FAM13B: variants seen among roughly 807,000 people sequenced by gnomAD.
FAM13B encodes protein FAM13B.
A neutral mutation model predicts 117.3 loss-of-function variants in FAM13B; 60 were observed. The observed-to-expected ratio is 0.51, with a 90% CI of 0.42 to 0.63. FAM13B has a LOEUF of 0.63. Ranked by LOEUF, FAM13B falls within the 30% of genes least tolerant of loss-of-function variation. FAM13B has a pLI of 0.00. For synonymous variants in FAM13B, 332 were observed against 356.1 expected (o/e 0.93, Z 0.76); for missense variants, 972 against 1,091.9 (o/e 0.89, Z 1.55).
chr5:137,990,293 C>CTGAA (rs1246552836), intron 7 of FAM13B, among the ~76,000 whole-genome samples: 1 of 152,166 alleles, frequency 6.6e-6, no homozygotes, highest in Non-Finnish European at 1.5e-5. Flanking sequence ...ATGTGGCATA[C>CTGAA]TGAATGGTGT....
chr5:137,979,363 T>A (rs1378460670), intron 10 of FAM13B, among the ~76,000 whole-genome samples: 1 of 152,162 alleles, frequency 6.6e-6, no homozygotes. Context: ...GCCTACTGAT[T>A]GTTGTTGTCC....
At chr5:137,981,189 T>C (rs1192011461) in intron 10 of FAM13B, among the ~76,000 whole-genome samples, 1 of 147,684 alleles carries the variant, frequency 6.8e-6, no homozygotes, top group Non-Finnish European at 1.5e-5. Context: ...GCTCTCACCA[T>C]GACCTCCCAA....
chr5:137,995,011 T>C (rs1306736132), intron 7 of FAM13B, among the ~76,000 whole-genome samples: 1 of 152,228 alleles, frequency 6.6e-6, no homozygotes, highest in Non-Finnish European at 1.5e-5. Context: ...AAAGATCACT[T>C]TACCAGTGCA....
rs1158310740 is a variant in FAM13B at position 137,951,209 on chromosome 5, C to CAAAAA, written c.1930+1414_1930+1418dup. 8.4e-3 allele frequency among the ~76,000 whole-genome samples: 520 copies of CAAAAA among 62,244 alleles called. 1 individual carries two copies. Among genetic ancestry groups the CAAAAA allele is most frequent in the African/African-American group, 0.013 (202 of 15,410 alleles). 40.8% of individuals were successfully genotyped at this position (62,244 alleles called of 152,430 possible). On this transcript the variant is annotated intron_variant, in intron 17 of 23. Transcript: ENST00000689681. ...CAACAGAGTAAAACCCTGTCTCAAA[C>CAAAAA]AAAAAAAAAAAAAAAAAAAAAAAAG...
chr5:138,006,943 T>C (rs1782706684), intron 7 of FAM13B, 47 bp downstream of exon 7: 3 of 1,538,076 alleles, frequency 2.0e-6, no homozygotes, highest in African/African-American at 1.4e-5. Flanking sequence ...AGTTTACACT[T>C]AGAATGAAAT....
intron 12 of FAM13B, 38 bp from the exon 13 acceptor site, chr5:137,959,801 G>A (rs749624458): frequency 1.2e-6 from 2 of 1,600,848 alleles, no homozygotes; most frequent in Admixed American, 3.4e-5. Context: ...CACAACTACG[G>A]AAGCTTTTCA....
At chr5:137,976,248 C>T (rs1329549757) in intron 10 of FAM13B, among the ~76,000 whole-genome samples, 1 of 152,112 alleles carries the variant, frequency 6.6e-6, no homozygotes, top group African/African-American at 2.4e-5. Context: ...AACCACCATG[C>T]CTGGCCTTCT....
At position 137,953,396 on chromosome 5, in the gene FAM13B, C is replaced by A; in HGVS notation, c.1788G>T (p.Lys596Asn). 6.2e-7 allele frequency: 1 copy of A among 1,613,934 alleles called. No homozygotes were observed. Among genetic ancestry groups the A allele is most frequent in the Non-Finnish European group, 8.5e-7 (1 of 1,179,892 alleles). The change falls in exon 16 of 24, where the codon AAG becomes AAT. Residue 596 changes from lysine to asparagine, a missense_variant. Transcript: ENST00000689681. Reference sequence around the variant, plus strand: ...ATTGTCTGATTTTCTTCTGAAGTTTCTTGACCAGCTGATAAGGTGTTCTGT... The same window carrying A: ...ATTGTCTGATTTTCTTCTGAAGTTTATTGACCAGCTGATAAGGTGTTCTGT... ...REDRTPYQLV[K>N]KLQKKIRQFE... is the part of the protein sequence containing the mutation.
Position 137,981,708 on chromosome 5 carries a change from C to G in FAM13B, c.1179+3549G>C, listed in dbSNP as rs554885511. Reference sequence around the variant, plus strand: ...GGCTGAGGCAGGAGAATGGCTTGAACCTGGGGGGCAGAGGCTGTACTGTGC... The same window carrying G: ...GGCTGAGGCAGGAGAATGGCTTGAAGCTGGGGGGCAGAGGCTGTACTGTGC... On this transcript the variant is annotated intron_variant, in intron 10 of 23. Transcript: ENST00000689681. 3.3e-5 allele frequency among the ~76,000 whole-genome samples: 5 copies of G among 151,626 alleles called. No individual in the cohort carries two copies. In the East Asian group the frequency reaches 9.8e-4, roughly 30 times the overall value.
At chr5:137,953,059 A>G (rs73790098) in intron 16 of FAM13B, among the ~76,000 whole-genome samples, 3,370 of 152,318 alleles carry the variant, frequency 0.022, 106 homozygotes, top group African/African-American at 0.076. Flanking sequence ...AAATAGCAGT[A>G]ACATGATTTG....
chr5:138,023,241 A>T (rs2151003548), intron 1 of FAM13B, among the ~76,000 whole-genome samples: 1 of 152,360 alleles, frequency 6.6e-6, no homozygotes. Flanking sequence ...TGATACTAGG[A>T]AAACAATCGG....
In FAM13B at chr5:137,938,102, T is replaced by C. The variant is rs1760679505; in HGVS notation, c.*2123A>G. The C allele has an allele frequency of 6.6e-6, 1 of 152,324 alleles. No homozygotes were observed. Among genetic ancestry groups the C allele is most frequent in the South Asian group, 2.1e-4 (1 of 4,828 alleles). 9.4% of individuals were successfully genotyped at this position (152,324 alleles called of 1,614,324 possible). On this transcript the variant is annotated 3_prime_UTR_variant, in exon 24 of 24. Transcript: ENST00000689681. ...TTTTATTTGTACCAAAGTAAAACTA[T>C]CACCAACTGCCTAATTCTACCAGCT...
chr5:137,964,863 T>A (rs1769218636), intron 10 of FAM13B, among the ~76,000 whole-genome samples: 1 of 151,550 alleles, frequency 6.6e-6, no homozygotes, highest in Non-Finnish European at 1.5e-5. Flanking sequence ...AGAAATAGCT[T>A]ATAAGAAAAA....
intron 10 of FAM13B, among the ~76,000 whole-genome samples, chr5:137,963,543 A>G (rs1306485087): frequency 2.6e-5 from 4 of 152,252 alleles, no homozygotes; most frequent in African/African-American, 9.6e-5. Flanking sequence ...GGGATCTTCA[A>G]TATTTTTAAG....
At chr5:137,968,914 C>G (rs1054196330) in intron 10 of FAM13B, among the ~76,000 whole-genome samples, 2 of 152,198 alleles carry the variant, frequency 1.3e-5, no homozygotes, top group African/African-American at 4.8e-5. Flanking sequence ...GCTTAAAAAA[C>G]GGCACACCAG....
chr5:138,034,751 A>G (rs1790920001), upstream of FAM13B, among the ~76,000 whole-genome samples: 1 of 152,164 alleles, frequency 6.6e-6, no homozygotes, highest in African/African-American at 2.4e-5. Flanking sequence ...CTCTCTTTAA[A>G]TATCTTAAAT....
intron 10 of FAM13B, among the ~76,000 whole-genome samples, chr5:137,975,921 G>T (rs1773786564): frequency 6.6e-6 from 1 of 151,256 alleles, no homozygotes; most frequent in South Asian, 2.1e-4. Context: ...AGCAGAAATG[G>T]GGGACGGGAG....
At chr5:138,047,331 C>A (rs992518247) in intron 1 of FAM13B, among the ~76,000 whole-genome samples, 1 of 151,308 alleles carries the variant, frequency 6.6e-6, no homozygotes, top group Admixed American at 6.6e-5. Context: ...AGGGTGAAAC[C>A]CCACCTCTAC....
At chr5:138,019,208 T>A in intron 2 of FAM13B, 62 bp from the exon 3 acceptor site, 1 of 1,439,636 alleles carries the variant, frequency 6.9e-7, no homozygotes, top group Admixed American at 2.2e-5. Context: ...TATGACTAGA[T>A]ACATTAAAGA....
Sources: gnomAD v4.1 joint callset for allele counts (sites outside exome capture counted in the v4.1 genomes callset) on GRCh38, gnomAD v4.1.1 for gene constraint, MANE v1.5 for transcripts, NCBI Gene and HGNC (gene_info 2026-07-23, HGNC 2026-07-21) for gene names.